ARHGAP22: variants seen among roughly 807,000 people sequenced by gnomAD.
ARHGAP22 encodes Rho GTPase activating protein 22.
In ARHGAP22, 48 loss-of-function variants were observed where a neutral mutation model predicts 59.1. The ratio of observed to expected loss-of-function variants is 0.81; its 90% CI spans 0.64 to 1.03. The LOEUF (loss-of-function observed/expected upper bound fraction) is 1.03. Ranked by LOEUF, ARHGAP22 falls within the 50% of genes least tolerant of loss-of-function variation. ARHGAP22 has a pLI of 0.00. For synonymous variants in ARHGAP22, 445 were observed against 416.4 expected, an observed-to-expected ratio of 1.07 and a Z score of -0.84; for missense variants, 1,015 against 958.7, an observed-to-expected ratio of 1.06 and a Z score of -0.78.
At chr10:48,591,186 C>A (rs184450117) in intron 1 of ARHGAP22, among the ~76,000 whole-genome samples, 1 of 152,130 alleles carries the variant, frequency 6.6e-6, no homozygotes, top group Non-Finnish European at 1.5e-5. Flanking sequence ...AGGGTGACTG[C>A]GAGCCCGCAG....
intron 3 of ARHGAP22, among the ~76,000 whole-genome samples, chr10:48,520,492 C>G (rs60128644): frequency 6.6e-6 from 1 of 151,926 alleles, no homozygotes; most frequent in African/African-American, 2.4e-5. Flanking sequence ...GACAGGGGGG[C>G]CAGGATGAGT....
At chr10:48,453,573 C>A in intron 7 of ARHGAP22, 148 bp from the exon 8 acceptor site, 1 of 1,225,278 alleles carries the variant, frequency 8.2e-7, no homozygotes, top group Non-Finnish European at 1.2e-6. Flanking sequence ...CTGCCAGGCT[C>A]GATGAGGGAA....
intron 4 of ARHGAP22, among the ~76,000 whole-genome samples, chr10:48,476,667 G>A (rs1242003491): frequency 6.6e-6 from 1 of 152,258 alleles, no homozygotes; most frequent in Non-Finnish European, 1.5e-5. Flanking sequence ...TAATGGTTGT[G>A]AGTTCTTCAG....
At chr10:48,616,734 C>A (rs56792058) in intron 1 of ARHGAP22, among the ~76,000 whole-genome samples, 1,865 of 152,116 alleles carry the variant, frequency 0.012, 42 homozygotes, top group African/African-American at 0.043. Context: ...TCTGGCAAAA[C>A]TATCCTTTAA....
intron 4 of ARHGAP22, among the ~76,000 whole-genome samples, chr10:48,467,573 G>A (rs545275763): frequency 1.2e-4 from 18 of 152,118 alleles, no homozygotes; most frequent in Admixed American, 3.9e-4. Flanking sequence ...TAGTGAGTCC[G>A]GAATATAATA....
chr10:48,449,207 T>A (rs1040251034), intron 9 of ARHGAP22, among the ~76,000 whole-genome samples: 1 of 152,256 alleles, frequency 6.6e-6, no homozygotes, highest in African/African-American at 2.4e-5. Flanking sequence ...TTCTACTATA[T>A]TTCTGGAGGC....
intron 3 of ARHGAP22, among the ~76,000 whole-genome samples, chr10:48,549,895 T>A (rs2056766745): frequency 6.6e-6 from 1 of 152,204 alleles, no homozygotes; most frequent in Non-Finnish European, 1.5e-5. Context: ...GCCCTCCAGA[T>A]GAGGCGGAGG....
chr10:48,529,854 A>G (rs1459020868), intron 3 of ARHGAP22, among the ~76,000 whole-genome samples: 4 of 152,250 alleles, frequency 2.6e-5, no homozygotes, highest in Admixed American at 6.5e-5. Flanking sequence ...AAAGTAGGGA[A>G]AGAACACCCT....
At chr10:48,646,659 C>T (rs943113818) in intron 1 of ARHGAP22, among the ~76,000 whole-genome samples, 1 of 152,124 alleles carries the variant, frequency 6.6e-6, no homozygotes, top group Non-Finnish European at 1.5e-5. Flanking sequence ...ACAACAACAA[C>T]AACAAAAACC....
At chr10:48,492,011 A>G (rs887794794) in intron 3 of ARHGAP22, among the ~76,000 whole-genome samples, 2 of 152,200 alleles carry the variant, frequency 1.3e-5, no homozygotes, top group African/African-American at 4.8e-5. Context: ...CCTGAACTTA[A>G]GGATTTCCTT....
In ARHGAP22 at chr10:48,562,567, T is replaced by C. The variant is rs529947294; in HGVS notation, c.235-7017A>G. Among the ~76,000 whole-genome samples the C allele has an allele frequency of 2.6e-5, 4 of 152,318 alleles. No individual in the cohort carries two copies. In the South Asian group the frequency reaches 8.3e-4, roughly 32 times the overall value. On this transcript the variant is annotated intron_variant, in intron 2 of 9. Coordinates refer to ENST00000249601, the MANE Select transcript of ARHGAP22 (RefSeq NM_021226.4). ...CCAGAGTACATACTGTGTGATTCCATTTCTATAAAAGTGTAGAAAATGAGA... is the reference window on the plus strand; with the variant it reads ...CCAGAGTACATACTGTGTGATTCCACTTCTATAAAAGTGTAGAAAATGAGA...
At chr10:48,476,319 C>A (rs1420783102) in intron 4 of ARHGAP22, among the ~76,000 whole-genome samples, 2 of 152,232 alleles carry the variant, frequency 1.3e-5, no homozygotes, top group Non-Finnish European at 2.9e-5. Context: ...GCTGCTCCCA[C>A]TTCTCAAGGG....
At chr10:48,522,296 T>G (rs559024137) in intron 3 of ARHGAP22, among the ~76,000 whole-genome samples, 1 of 152,332 alleles carries the variant, frequency 6.6e-6, no homozygotes, top group East Asian at 1.9e-4. Flanking sequence ...CAGGCTGCTG[T>G]GGCCAGCCAT....
At chr10:48,444,155 T>C (rs1297736422), downstream of ARHGAP22, 1 of 152,240 alleles carries the variant, frequency 6.6e-6, no homozygotes, top group African/African-American at 2.4e-5. Context: ...AGGGTTTCGA[T>C]GAATCAATTC....
chr10:48,633,501 T>G (rs1371118760), intron 1 of ARHGAP22, among the ~76,000 whole-genome samples: 1 of 152,240 alleles, frequency 6.6e-6, no homozygotes, highest in East Asian at 1.9e-4. Flanking sequence ...TTCCTTGAAC[T>G]CTTTTCTTTT....
rs753923793 is a variant in ARHGAP22, at chr10:48,446,534, G to A, written c.1954C>T (p.Leu652=). The change falls in exon 10 of 10, where the codon CTG becomes TTG. Residue 652 remains leucine (L), a synonymous_variant. Coordinates refer to ENST00000249601, the MANE Select transcript of ARHGAP22 (RefSeq NM_021226.4). ...TCAGAGTTCCGCAGCTTTATTTCCA[G>A]CATGATGTATTTTTTCTTTTCCTGG... is the stretch of plus-strand genomic sequence containing the variant. ...LDQEKKKYIM[L]EIKLRNSERA... 6.2e-7 allele frequency: 1 copy of A among 1,614,214 alleles called. No homozygotes were observed. Among genetic ancestry groups the A allele is most frequent in the South Asian group, 1.1e-5 (1 of 91,080 alleles).
intron 1 of ARHGAP22, among the ~76,000 whole-genome samples, chr10:48,592,788 G>T (rs990238852): frequency 6.6e-5 from 10 of 152,172 alleles, no homozygotes; most frequent in Non-Finnish European, 1.3e-4. Context: ...TCAGCCAGTG[G>T]ATACCCCATC....
intron 2 of ARHGAP22, among the ~76,000 whole-genome samples, chr10:48,567,031 C>A (rs550307891): frequency 2.0e-4 from 31 of 152,332 alleles, no homozygotes; most frequent in Admixed American, 5.9e-4. Flanking sequence ...GAGCTCATGG[C>A]CTCTTCCAAA....
At chr10:48,580,933 TA>T (rs3076348) in intron 2 of ARHGAP22, among the ~76,000 whole-genome samples, 3,330 of 147,792 alleles carry the variant, frequency 0.023, 106 homozygotes, top group African/African-American at 0.076. Flanking sequence ...CAATCTAAAG[TA>T]AAAAAAAAAA....
Sources: allele counts gnomAD v4.1 joint callset (sites outside exome capture counted in the v4.1 genomes callset), GRCh38; gene constraint gnomAD v4.1.1; transcripts MANE v1.5; gene names NCBI Gene and HGNC (gene_info 2026-07-23, HGNC 2026-07-21).